KIF13B: variants seen among roughly 807,000 people sequenced by gnomAD.
KIF13B encodes kinesin-like protein KIF13B.
A neutral mutation model predicts 222.0 loss-of-function variants in KIF13B; 127 were observed. That is an observed-to-expected ratio of 0.57 (90% CI 0.50 to 0.66). The LOEUF (loss-of-function observed/expected upper bound fraction) is 0.66, where lower values mean the gene tolerates loss of function less well. Among genes scored for constraint, KIF13B ranks in the 30% least tolerant of loss-of-function variants. KIF13B has a pLI of 0.00. For missense variants in KIF13B, 2,173 were observed against 2,379.0 expected (o/e 0.91, Z 1.80); for synonymous variants, 976 against 919.0 (o/e 1.06, Z -1.12).
chr8:29,212,697 C>T (rs1814285088), intron 2 of KIF13B, among the ~76,000 whole-genome samples: 1 of 151,646 alleles, frequency 6.6e-6, no homozygotes, highest in Non-Finnish European at 1.5e-5. Context: ...CCCTTGGGTA[C>T]CTAAAAGTAG....
chr8:29,161,701 C>CG (rs1016768797), intron 12 of KIF13B, among the ~76,000 whole-genome samples: 3 of 146,978 alleles, frequency 2.0e-5, no homozygotes, highest in South Asian at 2.2e-4. Context: ...ATCTCAAAAC[C>CG]CCCCCCCAAA....
At chr8:29,123,566 G>A in intron 27 of KIF13B, 74 bp from the exon 28 acceptor site, 3 of 1,569,244 alleles carry the variant, frequency 1.9e-6, no homozygotes, top group South Asian at 1.1e-5. Flanking sequence ...AGTAAAGACT[G>A]GATTTGCCTA....
At position 29,080,726 on chromosome 8, in the gene KIF13B, A is replaced by T. The variant is rs143050314; in HGVS notation, c.4459-5383T>A. Among the ~76,000 whole-genome samples, 4 of 152,350 alleles carry T rather than the reference A, an allele frequency of 2.6e-5. No homozygotes were observed. The East Asian group carries it at 7.7e-4, about 29-fold the overall frequency. Reference sequence around the variant, plus strand: ...TATCTGCAAGGGGATGATCCCATCTACATGAGTTCTCTAAGCGGTGTCACC... The same window carrying T: ...TATCTGCAAGGGGATGATCCCATCTTCATGAGTTCTCTAAGCGGTGTCACC... On this transcript the variant is annotated intron_variant, in intron 37 of 39. Transcript: ENST00000524189.
In KIF13B at chr8:29,072,608, G is replaced by T. The variant is rs181764932; in HGVS notation, c.4522-292C>A. 1.4e-4 allele frequency among the ~76,000 whole-genome samples: 22 copies of T among 152,318 alleles called. No individual in the cohort carries two copies. In the East Asian group the frequency reaches 3.9e-3, roughly 27 times the overall value. ...TGCCACTTAGGGCTGCATGGCCCTG[G>T]CTTCCAAAGTGATAAAGGTTGAGGG... On this transcript the variant is annotated intron_variant, in intron 38 of 39. Transcript: ENST00000524189.
chr8:29,220,066 A>G (rs1250504898), intron 2 of KIF13B, among the ~76,000 whole-genome samples: 1 of 152,216 alleles, frequency 6.6e-6, no homozygotes, highest in East Asian at 1.9e-4. Flanking sequence ...CCCTCTCTCA[A>G]AAAATAAAAA....
Position 29,071,553 on chromosome 8 carries a change from G to A in KIF13B, c.5218+67C>T. ...CTGCCCGGACCCTGTCCCCTCCCAG[G>A]CCGGCCACGTTCCTGCTTCCCCAGA... On this transcript the variant is annotated intron_variant, in intron 39 of 39. Coordinates refer to ENST00000524189, the MANE Select transcript of KIF13B (RefSeq NM_015254.4). This position sits in a 1 kb window ranked among gnomAD's most constrained non-coding sequence, Gnocchi z 4.9. 7.1e-7 allele frequency: 1 copy of A among 1,399,904 alleles called. No homozygotes were observed. Among genetic ancestry groups the A allele is most frequent in the Admixed American group, 2.0e-5 (1 of 49,742 alleles). 86.7% of individuals were successfully genotyped at this position (1,399,904 alleles called of 1,614,324 possible).
chr8:29,249,430 TAA>T (rs770545452), intron 1 of KIF13B, among the ~76,000 whole-genome samples: 28,681 of 118,682 alleles, frequency 0.24, 4,150 homozygotes, highest in East Asian at 0.58. Context: ...ACTCCGTCTT[TAA>T]AAAAAAAAAA....
At position 29,069,443 on chromosome 8, in the gene KIF13B, T is replaced by A. The variant is rs1405731969; in HGVS notation, c.*1061A>T. 3 of 152,306 alleles carry A rather than the reference T, an allele frequency of 2.0e-5. No homozygotes were observed. Among genetic ancestry groups the A allele is most frequent in the Non-Finnish European group, 4.4e-5 (3 of 68,076 alleles). The allele number at this position is 152,306 out of a possible 1,614,324, so 9.4% of individuals were successfully genotyped here. A position where few individuals can be genotyped will look rare whatever the true frequency, so the allele number is the denominator to read the frequency against. The stretch of plus-strand genomic sequence containing the variant: ...AGTTAAAATGACCCAAAGACCTTCC[T>A]AGAAACCAAAAGTGCACCAAATAAA... On this transcript the variant is annotated 3_prime_UTR_variant, in exon 40 of 40. Coordinates refer to ENST00000524189, the MANE Select transcript of KIF13B (RefSeq NM_015254.4).
chr8:29,150,010 C>A (rs564116436), intron 15 of KIF13B, among the ~76,000 whole-genome samples: 11 of 152,166 alleles, frequency 7.2e-5, no homozygotes, highest in African/African-American at 2.6e-4. Flanking sequence ...TTAATAAATT[C>A]TTACACCACA....
intron 12 of KIF13B, among the ~76,000 whole-genome samples, chr8:29,164,552 C>T (rs1811909748): frequency 6.6e-6 from 1 of 152,176 alleles, no homozygotes; most frequent in Non-Finnish European, 1.5e-5. Context: ...TCACCAGTTA[C>T]TGTGTTTGGG....
At chr8:29,180,081 A>T in intron 8 of KIF13B, 23 bp downstream of exon 8, 5 of 1,611,604 alleles carry the variant, frequency 3.1e-6, no homozygotes, top group Non-Finnish European at 3.4e-6. Flanking sequence ...ATATAAAAAC[A>T]GGTCATGCAT....
At chr8:29,245,207 A>C (rs1815967758) in intron 2 of KIF13B, 139 bp downstream of exon 2, 1 of 668,374 alleles carries the variant, frequency 1.5e-6, no homozygotes, top group Non-Finnish European at 2.6e-6. Context: ...CTTCAACTTG[A>C]GTACAGGCTC....
chr8:29,161,779 CCT>C, intron 12 of KIF13B, among the ~76,000 whole-genome samples: 1 of 150,692 alleles, frequency 6.6e-6, no homozygotes, highest in South Asian at 2.1e-4. Flanking sequence ...AGATTTTATA[CCT>C]CTTTTTTCTA....
At chr8:29,178,252 C>T (rs1243697308) in intron 8 of KIF13B, among the ~76,000 whole-genome samples, 2 of 151,770 alleles carry the variant, frequency 1.3e-5, no homozygotes, top group Non-Finnish European at 2.9e-5. Context: ...ATCAATAATC[C>T]TGAGACAAAA....
intron 14 of KIF13B, among the ~76,000 whole-genome samples, chr8:29,151,865 T>C (rs1442251185): frequency 7.6e-6 from 1 of 130,890 alleles, no homozygotes; most frequent in Non-Finnish European, 1.8e-5. Flanking sequence ...ATTTAAAAAA[T>C]ACATTTCATA....
chr8:29,143,397 A>C (rs964319907), intron 18 of KIF13B, among the ~76,000 whole-genome samples: 8 of 152,218 alleles, frequency 5.3e-5, no homozygotes, highest in Non-Finnish European at 8.8e-5. Context: ...GAGTAAACTG[A>C]AAAGTCCCCG....
chr8:29,257,394 G>A (rs1477582712), intron 1 of KIF13B, among the ~76,000 whole-genome samples: 1 of 151,664 alleles, frequency 6.6e-6, no homozygotes, highest in African/African-American at 2.4e-5. Context: ...TGAGGAGCAA[G>A]CATAGAGATC....
chr8:29,140,169 T>C lies in KIF13B; in HGVS notation c.2507A>G (p.Glu836Gly). The C allele has an allele frequency of 6.2e-7, 1 of 1,613,658 alleles. No individual in the cohort carries two copies. The highest frequency in any genetic ancestry group is 1.1e-5 in the South Asian group (1 of 91,054). The change falls in exon 21 of 40, where the codon GAG (glutamate) becomes GGG (glycine). Residue 836 changes from glutamate (E) to glycine (G), a missense_variant. Coordinates refer to ENST00000524189, the MANE Select transcript of KIF13B (RefSeq NM_015254.4). ...AACATCACCACTGAGTCGCATCACC[T>C]CCACGTGCAGCCGACCTGCCACCTG... ...KGEVAGRLHV[E>G]VMRLSGDVGE... is the part of the protein sequence containing the mutation.
intron 2 of KIF13B, among the ~76,000 whole-genome samples, chr8:29,226,384 G>C (rs1388966482): frequency 6.6e-6 from 1 of 152,216 alleles, no homozygotes; most frequent in African/African-American, 2.4e-5. Context: ...ACAGTCAGCT[G>C]GTTCCTGGTC....
Sources: gnomAD v4.1 joint callset for allele counts (sites outside exome capture counted in the v4.1 genomes callset) on GRCh38, gnomAD v4.1.1 for gene constraint, Gnocchi (gnomAD v3.1) non-coding constraint, MANE v1.5 for transcripts, NCBI Gene and HGNC (gene_info 2026-07-23, HGNC 2026-07-21) for gene names.